CCKAR: variants seen among roughly 807,000 people sequenced by gnomAD.
CCKAR encodes cholecystokinin receptor type A.
Under a neutral mutation model 29.8 loss-of-function variants are expected in CCKAR, and 21 were observed. The ratio of observed to expected loss-of-function variants is 0.70; its 90% CI spans 0.50 to 1.01. The LOEUF (loss-of-function observed/expected upper bound fraction) is 1.01, where lower values mean the gene tolerates loss of function less well. CCKAR is among the 50% of genes least tolerant of loss of function. The pLI, the probability that CCKAR is intolerant of heterozygous loss-of-function variation, is 0.00. For missense variants in CCKAR, 570 were observed against 560.6 expected, an observed-to-expected ratio of 1.02 and a Z score of -0.17; for synonymous variants, 238 against 221.3, an observed-to-expected ratio of 1.08 and a Z score of -0.67.
chr4:26,489,612 C>T (rs923533538), intron 1 of CCKAR, 128 bp from the exon 2 acceptor site: 1 of 955,544 alleles, frequency 1.0e-6, no homozygotes, highest in Non-Finnish European at 1.5e-6. Context: ...ACCCACGATT[C>T]CTGTCCTGGC....
chr4:26,488,607 C>T (rs993538514), intron 2 of CCKAR, among the ~76,000 whole-genome samples: 3 of 152,190 alleles, frequency 2.0e-5, no homozygotes, highest in South Asian at 2.1e-4. Context: ...GACCCCATAG[C>T]CCCCAGGAGC....
At chr4:26,489,084 T>A in intron 2 of CCKAR, 149 bp downstream of exon 2, 1 of 989,188 alleles carries the variant, frequency 1.0e-6, no homozygotes, top group South Asian at 1.5e-5. Flanking sequence ...CCAGCACCAA[T>A]GTCCGTGCAC....
chr4:26,486,886 C>A (rs1028377856), intron 2 of CCKAR, among the ~76,000 whole-genome samples: 3 of 152,156 alleles, frequency 2.0e-5, no homozygotes, highest in African/African-American at 7.2e-5. Flanking sequence ...TGCACCCCAG[C>A]CTGGGCGACA....
Position 26,489,243 on chromosome 4 carries a change from G to C in CCKAR, c.354C>G (p.Thr118=). Reference sequence around the variant, plus strand: ...CCAGCAGCAACTTACCCATGAAGTAGGTGGTGGTCTTGCAAACGGCGCTCC... The same window carrying C: ...CCAGCAGCAACTTACCCATGAAGTACGTGGTGGTCTTGCAAACGGCGCTCC... The part of the protein sequence containing the change: ...IFGSAVCKTT[T]YFMGTSVSVS... The change falls in exon 2 of 5, where the codon ACC becomes ACG. Residue 118 remains threonine, a synonymous_variant. Coordinates refer to ENST00000295589, the MANE Select transcript of CCKAR (RefSeq NM_000730.3). 6.2e-7 allele frequency: 1 copy of C among 1,614,112 alleles called. No individual in the cohort carries two copies. The highest frequency in any genetic ancestry group is 8.5e-7 in the Non-Finnish European group (1 of 1,180,000).
rs183654459 is a variant in CCKAR at position 26,482,526 on chromosome 4, A to G, written c.755-356T>C. On this transcript the variant is annotated intron_variant, in intron 4 of 4. Transcript: ENST00000295589. ...ATTCCAGATTGCTTTTATGATGAGG[A>G]ATCTGGATAAGAAGAAAAAATCCCA... 2.1e-3 allele frequency among the ~76,000 whole-genome samples: 325 copies of G among 152,300 alleles called. 1 individual carries two copies. Among genetic ancestry groups the G allele is most frequent in the African/African-American group, 7.5e-3 (312 of 41,558 alleles).
chr4:26,488,902 G>T (rs1461130036), intron 2 of CCKAR, among the ~76,000 whole-genome samples: 1 of 152,178 alleles, frequency 6.6e-6, no homozygotes, highest in Non-Finnish European at 1.5e-5. Flanking sequence ...GCAGCTTAAA[G>T]TCACTTCTGA....
Position 26,490,178 on chromosome 4 carries a change from C to A in CCKAR, c.90G>T (p.Leu30Phe). 6.2e-7 allele frequency: 1 copy of A among 1,612,576 alleles called. No homozygotes were observed. Among genetic ancestry groups the A allele is most frequent in the South Asian group, 1.1e-5 (1 of 91,038 alleles). The change falls in exon 1 of 5, where the codon TTG becomes TTT. Residue 30 changes from leucine (L) to phenylalanine (F), a missense_variant. Physicochemically the swap from Leu to Phe is conservative, Grantham distance 22 (BLOSUM62 0). Transcript: ENST00000295589. ...TACCTTTGGAAGGACGGGGCTGATC[C>A]AAGCAGAAAAGCGTCTCATTTTCGA... ...LGLENETLFC[L>F]DQPRPSKEWQ...
chr4:26,489,231 A>G lies in CCKAR; in HGVS notation c.364+2T>C. On this transcript the variant is annotated splice_donor_variant, in intron 2 of 4. Coordinates refer to ENST00000295589, the MANE Select transcript of CCKAR (RefSeq NM_000730.3). LOFTEE classifies it high-confidence loss of function. ...CAGAAAGAGTCACCAGCAGCAACTT[A>G]CCCATGAAGTAGGTGGTGGTCTTGC... The G allele has an allele frequency of 6.2e-7, 1 of 1,613,892 alleles. No homozygotes were observed. The highest frequency in any genetic ancestry group is 8.5e-7 in the Non-Finnish European group (1 of 1,179,862).
At chr4:26,483,953 A>G (rs1012495302) in intron 3 of CCKAR, among the ~76,000 whole-genome samples, 1 of 152,250 alleles carries the variant, frequency 6.6e-6, no homozygotes, top group African/African-American at 2.4e-5. Context: ...GGGTCTTACA[A>G]AACATGCCAT....
intron 2 of CCKAR, 129 bp downstream of exon 2, chr4:26,489,104 C>A: frequency 8.3e-7 from 1 of 1,205,086 alleles, no homozygotes; most frequent in Non-Finnish European, 1.2e-6. Flanking sequence ...CACAGCCATG[C>A]ACAGCCTGAT....
intron 2 of CCKAR, among the ~76,000 whole-genome samples, chr4:26,488,961 C>A (rs1737499206): frequency 6.6e-6 from 1 of 152,132 alleles, no homozygotes; most frequent in African/African-American, 2.4e-5. Context: ...TAGAAGCAAG[C>A]AAAATCAACT....
rs753450499 is a variant in CCKAR, at chr4:26,490,239, T to C, written c.29A>G (p.Asn10Ser). Residue 10 changes from asparagine to serine, a missense_variant, in exon 1 of 5, where the codon AAT (asparagine) becomes AGT (serine). Transcript: ENST00000295589. ...ACAGGGAGGAGTGATGTTGCTTCCA[T>C]TCACAAGAAGGCTGTCAACCACATC... MDVVDSLLV[N>S]GSNITPPCEL... The C allele has an allele frequency of 8.1e-6, 13 of 1,613,364 alleles. No individual in the cohort carries two copies. The highest frequency in any genetic ancestry group is 3.3e-5 in the South Asian group (3 of 91,052).
chr4:26,485,577 T>G, intron 3 of CCKAR, 60 bp downstream of exon 3: 1 of 1,588,024 alleles, frequency 6.3e-7, no homozygotes, highest in Non-Finnish European at 8.6e-7. Context: ...ATCTCAGTTT[T>G]TCATGATATT....
intron 2 of CCKAR, among the ~76,000 whole-genome samples, chr4:26,487,846 C>T (rs888859859): frequency 2.0e-5 from 3 of 151,808 alleles, no homozygotes; most frequent in Non-Finnish European, 2.9e-5. Flanking sequence ...GGATGGGCCT[C>T]GGATGTCTAC....
At chr4:26,483,321 T>A (rs201432135) in intron 3 of CCKAR, 38 bp from the exon 4 acceptor site, 1 of 1,605,392 alleles carries the variant, frequency 6.2e-7, no homozygotes, top group Non-Finnish European at 8.5e-7. Flanking sequence ...CCAGCAACTT[T>A]AGACCTTCAA....
At chr4:26,489,093 A>G (rs1737502193) in intron 2 of CCKAR, 140 bp downstream of exon 2, 2 of 1,086,032 alleles carry the variant, frequency 1.8e-6, no homozygotes, top group Non-Finnish European at 2.7e-6. Flanking sequence ...ATGTCCGTGC[A>G]CACAGCCATG....
chr4:26,481,898 C>T lies in CCKAR; in HGVS notation c.1027G>A (p.Ala343Thr), dbSNP rs1737353978. Reference sequence around the variant, plus strand: ...GGGGTTCCTGAGAGGCGGCGCTCTGCGGAGGCGGTGTCGTAGGCCCGCCAG... The same window carrying T: ...GGGGTTCCTGAGAGGCGGCGCTCTGTGGAGGCGGTGTCGTAGGCCCGCCAG... ...NAWRAYDTASAERRLSGTPIS... is the reference protein window; with the variant it reads ...NAWRAYDTASTERRLSGTPIS... The change falls in exon 5 of 5, where the codon GCA (alanine) becomes ACA (threonine). Residue 343 changes from alanine (A) to threonine (T), a missense_variant. Ala to Thr is a moderately conservative substitution (Grantham distance 58). Coordinates refer to ENST00000295589, the MANE Select transcript of CCKAR (RefSeq NM_000730.3). 1 of 1,614,098 alleles carries T rather than the reference C, an allele frequency of 6.2e-7. No homozygotes were observed. The highest frequency in any genetic ancestry group is 1.3e-5 in the African/African-American group (1 of 74,946).
chr4:26,483,979 C>T (rs1437074675), intron 3 of CCKAR, among the ~76,000 whole-genome samples: 1 of 152,232 alleles, frequency 6.6e-6, no homozygotes, highest in Non-Finnish European at 1.5e-5. Context: ...CTGTTTCCAA[C>T]CCATAAGCAG....
intron 2 of CCKAR, among the ~76,000 whole-genome samples, chr4:26,487,311 A>C (rs533687849): frequency 6.6e-6 from 1 of 152,308 alleles, no homozygotes; most frequent in East Asian, 1.9e-4. Context: ...TAGAGTCTTA[A>C]AAAAGTCTAT....
Sources: allele counts gnomAD v4.1 joint callset (sites outside exome capture counted in the v4.1 genomes callset), GRCh38; gene constraint gnomAD v4.1.1; transcripts MANE v1.5; gene names NCBI Gene and HGNC (gene_info 2026-07-23, HGNC 2026-07-21).